Variants in SERTAD2 observed in about 807,000 individuals in gnomAD.
The protein encoded by SERTAD2 is SERTA domain containing 2.
Under a neutral mutation model 15.4 loss-of-function variants are expected in SERTAD2, and 2 were observed. The ratio of observed to expected loss-of-function variants is 0.13; its 90% CI spans 0.05 to 0.41. SERTAD2 has a LOEUF of 0.41. SERTAD2 is among the 10% of genes least tolerant of loss of function. The pLI, the probability that SERTAD2 is intolerant of heterozygous loss-of-function variation, is 0.99. For missense variants in SERTAD2, 333 were observed against 409.7 expected, an observed-to-expected ratio of 0.81 and a Z score of 1.62; for synonymous variants, 180 against 178.0, an observed-to-expected ratio of 1.01 and a Z score of -0.09.
intron 1 of SERTAD2, among the ~76,000 whole-genome samples, chr2:64,646,853 A>G (rs1216170075): frequency 6.6e-6 from 1 of 152,270 alleles, no homozygotes; most frequent in Non-Finnish European, 1.5e-5. Flanking sequence ...TGAGATGTGA[A>G]CGTGGAGAAA....
intron 1 of SERTAD2, among the ~76,000 whole-genome samples, chr2:64,641,022 A>C (rs144808662): frequency 8.5e-5 from 13 of 152,232 alleles, no homozygotes; most frequent in Non-Finnish European, 1.8e-4. Context: ...TCTAAACATT[A>C]ATTTTAACTG....
At position 64,636,169 on chromosome 2, in the gene SERTAD2, T is replaced by C; in HGVS notation, c.703A>G (p.Thr235Ala). 1 of 1,614,194 alleles carries C rather than the reference T, an allele frequency of 6.2e-7. No homozygotes were observed. Among genetic ancestry groups the C allele is most frequent in the African/African-American group, 1.3e-5 (1 of 75,046 alleles). The part of the protein sequence containing the change: ...LPGNFEITTS[T>A]GFLTDLTLDD... ...AGGGTCAAGTCTGTCAGGAAACCCG[T>C]GGACGTCGTTATTTCAAAATTCCCA... is the stretch of plus-strand genomic sequence containing the variant. Residue 235 changes from threonine to alanine, a missense_variant, in exon 2 of 2, where the codon ACG becomes GCG. Coordinates refer to ENST00000313349, the MANE Select transcript of SERTAD2 (RefSeq NM_014755.3).
At position 64,634,600 on chromosome 2, in the gene SERTAD2, G is replaced by A. The variant is rs1674614471; in HGVS notation, c.*1327C>T. Reference sequence around the variant, plus strand: ...CCAAGCTCACTGTGGTGATCACGAAGATGCCATTTTCAGCTCTTAGCAACA... The same window carrying A: ...CCAAGCTCACTGTGGTGATCACGAAAATGCCATTTTCAGCTCTTAGCAACA... On this transcript the variant is annotated 3_prime_UTR_variant, in exon 2 of 2. Coordinates refer to ENST00000313349, the MANE Select transcript of SERTAD2 (RefSeq NM_014755.3). 1 of 152,220 alleles carries A rather than the reference G, an allele frequency of 6.6e-6. No homozygotes were observed. Among genetic ancestry groups the A allele is most frequent in the South Asian group, 2.1e-4 (1 of 4,838 alleles). 9.4% of individuals were successfully genotyped at this position (152,220 alleles called of 1,614,324 possible).
intron 1 of SERTAD2, among the ~76,000 whole-genome samples, chr2:64,652,854 T>C (rs533263219): frequency 1.7e-5 from 2 of 118,228 alleles, no homozygotes; most frequent in East Asian, 5.1e-4. Context: ...AGGTAACTTA[T>C]AGCCAAGAAA....
intron 1 of SERTAD2, among the ~76,000 whole-genome samples, chr2:64,643,834 C>T (rs576390735): frequency 6.6e-6 from 1 of 152,190 alleles, no homozygotes; most frequent in African/African-American, 2.4e-5. Context: ...CCACTGCACT[C>T]CAGCCTGGGT....
rs1236620399 is a variant in SERTAD2 at position 64,653,762 on chromosome 2, G to C, written c.-147C>G. 1 of 152,300 alleles carries C rather than the reference G, an allele frequency of 6.6e-6. No homozygotes were observed. The highest frequency in any genetic ancestry group is 1.5e-5 in the Non-Finnish European group (1 of 68,116). The allele number at this position is 152,300 out of a possible 1,614,324, so 9.4% of individuals were successfully genotyped here. A position where few individuals can be genotyped will look rare whatever the true frequency, so the allele number is the denominator to read the frequency against. On this transcript the variant is annotated 5_prime_UTR_variant, in exon 1 of 2. Transcript: ENST00000313349. ...GGGCAGCAGGCGAGGCTGAAGCTAA[G>C]ACTCCGCCGTTCTCTGCCTGCGCGC...
chr2:64,638,815 T>A (rs1457739464), intron 1 of SERTAD2, among the ~76,000 whole-genome samples: 1 of 152,276 alleles, frequency 6.6e-6, no homozygotes, highest in Non-Finnish European at 1.5e-5. Flanking sequence ...ACATATTTCC[T>A]ACTGTTTAGT....
chr2:64,644,162 C>CA (rs1674844515), intron 1 of SERTAD2, among the ~76,000 whole-genome samples: 1 of 152,234 alleles, frequency 6.6e-6, no homozygotes, highest in African/African-American at 2.4e-5. Flanking sequence ...CCAAAGCCCA[C>CA]AGCCCTAAGT....
At chr2:64,640,048 A>G (rs566764338) in intron 1 of SERTAD2, among the ~76,000 whole-genome samples, 1 of 152,290 alleles carries the variant, frequency 6.6e-6, no homozygotes, top group African/African-American at 2.4e-5. Flanking sequence ...TTTTGCCACC[A>G]TTTCTCTGTT....
rs1431474171 is a variant in SERTAD2, at chr2:64,653,738, G to C, written c.-123C>G. On this transcript the variant is annotated 5_prime_UTR_variant, in exon 1 of 2. Coordinates refer to ENST00000313349, the MANE Select transcript of SERTAD2 (RefSeq NM_014755.3). ...GGCCCGAGGGTGGCGCCGGGGAGCG[G>C]GCAGCAGGCGAGGCTGAAGCTAAGA... 6.6e-6 allele frequency: 1 copy of C among 152,348 alleles called. No homozygotes were observed. The highest frequency in any genetic ancestry group is 2.4e-5 in the African/African-American group (1 of 41,462). 9.4% of individuals were successfully genotyped at this position (152,348 alleles called of 1,614,324 possible). A position where few individuals can be genotyped will look rare whatever the true frequency, so the allele number is the denominator to read the frequency against.
In SERTAD2 at chr2:64,653,687, C is replaced by T. The variant is rs1222633349; in HGVS notation, c.-72G>A. ...TCCGCCCACTCCTCAGCTACTCCCG[C>T]TCCATGCGGAGTGCCCCGCTCCAGG... is the stretch of plus-strand genomic sequence containing the variant. On this transcript the variant is annotated 5_prime_UTR_variant, in exon 1 of 2. Coordinates refer to ENST00000313349, the MANE Select transcript of SERTAD2 (RefSeq NM_014755.3). 6.6e-6 allele frequency: 1 copy of T among 152,316 alleles called. No homozygotes were observed. The highest frequency in any genetic ancestry group is 1.5e-5 in the Non-Finnish European group (1 of 68,120). 9.4% of individuals were successfully genotyped at this position (152,316 alleles called of 1,614,324 possible).
intron 1 of SERTAD2, among the ~76,000 whole-genome samples, chr2:64,640,633 G>A (rs1488654633): frequency 6.6e-6 from 1 of 152,044 alleles, no homozygotes; most frequent in Non-Finnish European, 1.5e-5. Context: ...AGGGGGTGCT[G>A]TGGTTCCTGC....
rs574264302 is a variant in SERTAD2, at chr2:64,632,168, G to A, written c.*3759C>T. On this transcript the variant is annotated 3_prime_UTR_variant, in exon 2 of 2. Transcript: ENST00000313349. Reference sequence around the variant, plus strand: ...TCATTGTTTTCAGAAAATGTATAAAGGTCCAATTTGTAACAGCAAGGTTTT... The same window carrying A: ...TCATTGTTTTCAGAAAATGTATAAAAGTCCAATTTGTAACAGCAAGGTTTT... 1 of 151,870 alleles carries A rather than the reference G, an allele frequency of 6.6e-6. No individual in the cohort carries two copies. The highest frequency in any genetic ancestry group is 2.4e-5 in the African/African-American group (1 of 41,304). 9.4% of individuals were successfully genotyped at this position (151,870 alleles called of 1,614,324 possible).
intron 1 of SERTAD2, among the ~76,000 whole-genome samples, chr2:64,638,332 A>T (rs571730933): frequency 3.9e-5 from 6 of 152,232 alleles, no homozygotes; most frequent in Non-Finnish European, 5.9e-5. Context: ...CCCAGTGGGG[A>T]GTCCCACATG....
chr2:64,650,446 C>G (rs1159477557), intron 1 of SERTAD2, among the ~76,000 whole-genome samples: 1 of 151,950 alleles, frequency 6.6e-6, no homozygotes, highest in East Asian at 1.9e-4. Flanking sequence ...TTCACAGATT[C>G]ATACAAAGAA....
At chr2:64,641,929 T>C (rs546320197) in intron 1 of SERTAD2, among the ~76,000 whole-genome samples, 17 of 152,334 alleles carry the variant, frequency 1.1e-4, no homozygotes, top group African/African-American at 4.1e-4. Context: ...TATTTCTCTT[T>C]CAGCATGTCT....
At chr2:64,649,305 C>A (rs1674965306) in intron 1 of SERTAD2, among the ~76,000 whole-genome samples, 1 of 152,164 alleles carries the variant, frequency 6.6e-6, no homozygotes, top group African/African-American at 2.4e-5. Flanking sequence ...AGCAGCCGGC[C>A]GGAGCAGAGG....
chr2:64,639,933 G>C (rs935084698), intron 1 of SERTAD2, among the ~76,000 whole-genome samples: 1 of 152,174 alleles, frequency 6.6e-6, no homozygotes, highest in Non-Finnish European at 1.5e-5. Context: ...AGGGCAGAGG[G>C]CTCGGTAAGC....
Position 64,642,939 on chromosome 2 carries a change from C to T in SERTAD2, c.-4-6064G>A, listed in dbSNP as rs113979602. Among the ~76,000 whole-genome samples, 6 of 152,160 alleles carry T rather than the reference C, an allele frequency of 3.9e-5. No homozygotes were observed. In the East Asian group the frequency reaches 5.8e-4, roughly 15 times the overall value. ...ACTCTCACTGATAGACTTTTCTACT[C>T]TGGAGAAAGAGAATTCATGCCACAA... On this transcript the variant is annotated intron_variant, in intron 1 of 1. Transcript: ENST00000313349.
Sources: allele counts gnomAD v4.1 joint callset (sites outside exome capture counted in the v4.1 genomes callset), GRCh38; gene constraint gnomAD v4.1.1; transcripts MANE v1.5; gene names NCBI Gene and HGNC (gene_info 2026-07-23, HGNC 2026-07-21).